The following TRIM32 variants were observed in gnomAD, a reference collection of about 807,000 sequenced individuals.
The protein encoded by TRIM32 is E3 ubiquitin-protein ligase TRIM32.
Under a neutral mutation model 36.0 loss-of-function variants are expected in TRIM32, and 19 were observed. That is an observed-to-expected ratio of 0.53 (90% CI 0.37 to 0.77). The LOEUF is 0.77. Ranked by LOEUF, TRIM32 falls within the 30% of genes least tolerant of loss-of-function variation. TRIM32 has a pLI of 0.00. For synonymous variants in TRIM32, 309 were observed against 318.5 expected, an observed-to-expected ratio of 0.97 and a Z score of 0.32; for missense variants, 747 against 845.2, an observed-to-expected ratio of 0.88 and a Z score of 1.44.
intron 1 of TRIM32, among the ~76,000 whole-genome samples, chr9:116,690,069 T>C (rs533925126): frequency 1.6e-4 from 25 of 152,262 alleles, no homozygotes; most frequent in Middle Eastern, 6.8e-3. Context: ...ACAGCAAGAC[T>C]TAGCTGGAAT....
chr9:116,691,188 C>T (rs979749169), intron 1 of TRIM32, among the ~76,000 whole-genome samples: 1 of 152,188 alleles, frequency 6.6e-6, no homozygotes, highest in African/African-American at 2.4e-5. Flanking sequence ...CCAAAATTCT[C>T]ATCCCATTTT....
In TRIM32 at chr9:116,700,071, C is replaced by T; in HGVS notation, c.*367C>T. 3.1e-6 allele frequency: 1 copy of T among 319,148 alleles called. No homozygotes were observed. The highest frequency in any genetic ancestry group is 6.2e-6 in the Non-Finnish European group (1 of 161,762). The allele number at this position is 319,148 out of a possible 1,614,324, so 19.8% of individuals were successfully genotyped here. On this transcript the variant is annotated 3_prime_UTR_variant, in exon 2 of 2. Transcript: ENST00000450136. ...GATTTTTTCCCATTTGGCTTTGATGCCCTTGATCCATTGTTTCCTTCCTAC... is the reference window on the plus strand; with the variant it reads ...GATTTTTTCCCATTTGGCTTTGATGTCCTTGATCCATTGTTTCCTTCCTAC...
In TRIM32 at chr9:116,698,197, AGTTAACTC is replaced by A. The variant is rs749696299; in HGVS notation, c.458_465del (p.Leu153SerfsTer27). ...GAGCGGCGTCGGGACTTTGGAGAGAAGTTAACTCGTCTGCGGGAACTTATGGGGGAGCT... is the reference window on the plus strand; with the variant it reads ...GAGCGGCGTCGGGACTTTGGAGAGAAGTCTGCGGGAACTTATGGGGGAGCT... On this transcript the variant is annotated frameshift_variant, in exon 2 of 2. Coordinates refer to ENST00000450136, the MANE Select transcript of TRIM32 (RefSeq NM_012210.4). LOFTEE classifies it high-confidence loss of function. The surrounding 1 kb of genome is among the most constrained non-coding windows in gnomAD (Gnocchi z 4.4). The A allele has an allele frequency of 5.0e-6, 8 of 1,614,184 alleles. No homozygotes were observed. In the Admixed American group the frequency reaches 1.3e-4, roughly 27 times the overall value.
intron 1 of TRIM32, among the ~76,000 whole-genome samples, chr9:116,693,811 G>A (rs1860696757): frequency 6.6e-6 from 1 of 152,188 alleles, no homozygotes; most frequent in African/African-American, 2.4e-5. Flanking sequence ...GTCTTTTGGG[G>A]AAACTGAAGT....
Position 116,698,475 on chromosome 9 carries a change from A to G in TRIM32, c.733A>G (p.Lys245Glu). Residue 245 changes from lysine to glutamate, a missense_variant, in exon 2 of 2, where the codon AAG (lysine) becomes GAG (glutamate). Coordinates refer to ENST00000450136, the MANE Select transcript of TRIM32 (RefSeq NM_012210.4). This position sits in a 1 kb window ranked among gnomAD's most constrained non-coding sequence, Gnocchi z 4.4. ...GTCTCGCTGTGACTACTTCCTGGCC[A>G]AGATCAAGCAGGCAGATGTAGCACT... ...AVSRCDYFLAKIKQADVALLE... is the reference protein window; with the variant it reads ...AVSRCDYFLAEIKQADVALLE... The G allele has an allele frequency of 6.2e-7, 1 of 1,613,928 alleles. No homozygotes were observed. Among genetic ancestry groups the G allele is most frequent in the Non-Finnish European group, 8.5e-7 (1 of 1,179,998 alleles).
chr9:116,693,063 T>G (rs1434215711), intron 1 of TRIM32, among the ~76,000 whole-genome samples: 1 of 152,196 alleles, frequency 6.6e-6, no homozygotes, highest in Non-Finnish European at 1.5e-5. Flanking sequence ...AAGGAAAGGT[T>G]GTTCATGCTT....
rs760918075 is a variant in TRIM32, at chr9:116,698,465, C to T, written c.723C>T (p.Tyr241=). ...TGCAGGCTGTGTCTCGCTGTGACTA[C>T]TTCCTGGCCAAGATCAAGCAGGCAG... is the stretch of plus-strand genomic sequence containing the variant. ...AEVQAVSRCD[Y]FLAKIKQADV... is the part of the protein sequence containing the mutation. Residue 241 remains tyrosine, a synonymous_variant, in exon 2 of 2, where the codon TAC becomes TAT. Coordinates refer to ENST00000450136, the MANE Select transcript of TRIM32 (RefSeq NM_012210.4). The surrounding 1 kb of genome is among the most constrained non-coding windows in gnomAD (Gnocchi z 4.4). The T allele has an allele frequency of 6.2e-7, 1 of 1,613,996 alleles. No individual in the cohort carries two copies. The highest frequency in any genetic ancestry group is 8.5e-7 in the Non-Finnish European group (1 of 1,180,020).
intron 1 of TRIM32, among the ~76,000 whole-genome samples, chr9:116,695,424 C>A (rs1860793807): frequency 6.6e-6 from 1 of 152,150 alleles, no homozygotes; most frequent in Non-Finnish European, 1.5e-5. Context: ...TTGTGCATGT[C>A]TGCTGCTATA....
At position 116,699,505 on chromosome 9, in the gene TRIM32, A is replaced by G. The variant is rs746890090; in HGVS notation, c.1763A>G (p.Asp588Gly). The G allele has an allele frequency of 2.5e-6, 4 of 1,613,306 alleles. No homozygotes were observed. Among genetic ancestry groups the G allele is most frequent in the African/African-American group, 1.3e-5 (1 of 74,634 alleles). The part of the protein sequence containing the change: ...IAGMCVDARG[D>G]LIVADSSRKE... ...GGCATGTGTGTGGATGCTCGTGGTGATCTCATCGTGGCTGACAGTAGTCGC... is the reference window on the plus strand; with the variant it reads ...GGCATGTGTGTGGATGCTCGTGGTGGTCTCATCGTGGCTGACAGTAGTCGC... Residue 588 changes from aspartate (D) to glycine (G), a missense_variant, in exon 2 of 2, where the codon GAT becomes GGT. Physicochemically the swap from Asp to Gly is moderately conservative, Grantham distance 94 (BLOSUM62 -1). Transcript: ENST00000450136. The surrounding 1 kb of genome is among the most constrained non-coding windows in gnomAD (Gnocchi z 4.2).
At chr9:116,688,580 A>G (rs990333495) in intron 1 of TRIM32, among the ~76,000 whole-genome samples, 5 of 152,194 alleles carry the variant, frequency 3.3e-5, no homozygotes, top group Non-Finnish European at 7.3e-5. Context: ...TATTAAACAA[A>G]GATCCGTTAT....
chr9:116,699,953 T>C lies in TRIM32; in HGVS notation c.*249T>C. On this transcript the variant is annotated 3_prime_UTR_variant, in exon 2 of 2. Transcript: ENST00000450136. This position sits in a 1 kb window ranked among gnomAD's most constrained non-coding sequence, Gnocchi z 4.2. ...ACACACGATGGTGTTAGCTGAAGTT[T>C]GATTAGCAATTAGGCACTTCCAAGG... is the stretch of plus-strand genomic sequence containing the variant. 1 of 596,772 alleles carries C rather than the reference T, an allele frequency of 1.7e-6. No individual in the cohort carries two copies. The highest frequency in any genetic ancestry group is 3.1e-5 in the Admixed American group (1 of 32,016). 37.0% of individuals were successfully genotyped at this position (596,772 alleles called of 1,614,324 possible). A position where few individuals can be genotyped will look rare whatever the true frequency, so the allele number is the denominator to read the frequency against.
At chr9:116,692,617 G>A (rs555725454) in intron 1 of TRIM32, among the ~76,000 whole-genome samples, 58 of 152,238 alleles carry the variant, frequency 3.8e-4, no homozygotes, top group African/African-American at 1.4e-3. Flanking sequence ...TTCAAATCCA[G>A]GAAAGCCTGA....
rs145728860 is a variant in TRIM32 at position 116,699,272 on chromosome 9, A to G, written c.1530A>G (p.Leu510=). ...RGSGVVKYSC[L]CSAVRPKFVT... ...CAGGGGTGGTCAAATACAGCTGCCT[A>G]TGTAGTGCTGTGCGGCCCAAATTTG... is the stretch of plus-strand genomic sequence containing the variant. The change falls in exon 2 of 2, where the codon CTA becomes CTG. Residue 510 remains leucine (L), a synonymous_variant. Coordinates refer to ENST00000450136, the MANE Select transcript of TRIM32 (RefSeq NM_012210.4). The surrounding 1 kb of genome is among the most constrained non-coding windows in gnomAD (Gnocchi z 4.2). 1.2e-5 allele frequency: 20 copies of G among 1,614,170 alleles called. No homozygotes were observed. Among genetic ancestry groups the G allele is most frequent in the Middle Eastern group, 1.6e-4 (1 of 6,062 alleles).
At position 116,699,563 on chromosome 9, in the gene TRIM32, C is replaced by G; in HGVS notation, c.1821C>G (p.Gly607=). The stretch of plus-strand genomic sequence containing the variant: ...TTCTCCATTTTCCTAAGGGTGGGGG[C>G]TATAGTGTCCTTATTCGAGAGGGAC... ...KEILHFPKGG[G]YSVLIREGLT... is the part of the protein sequence containing the mutation. Residue 607 remains glycine (G), a synonymous_variant, in exon 2 of 2, where the codon GGC becomes GGG. Transcript: ENST00000450136. This position sits in a 1 kb window ranked among gnomAD's most constrained non-coding sequence, Gnocchi z 4.2. The G allele has an allele frequency of 6.2e-7, 1 of 1,614,180 alleles. No individual in the cohort carries two copies. Among genetic ancestry groups the G allele is most frequent in the Non-Finnish European group, 8.5e-7 (1 of 1,180,034 alleles).
chr9:116,699,270 C>CTA lies in TRIM32; in HGVS notation c.1530_1531dup (p.Cys511TyrfsTer24). 1 of 1,614,212 alleles carries CTA rather than the reference C, an allele frequency of 6.2e-7. No individual in the cohort carries two copies. The highest frequency in any genetic ancestry group is 1.1e-5 in the South Asian group (1 of 91,086). On this transcript the variant is annotated frameshift_variant, in exon 2 of 2. Coordinates refer to ENST00000450136, the MANE Select transcript of TRIM32 (RefSeq NM_012210.4). LOFTEE classifies it high-confidence loss of function. This position sits in a 1 kb window ranked among gnomAD's most constrained non-coding sequence, Gnocchi z 4.2. ...ATCAGGGGTGGTCAAATACAGCTGC[C>CTA]TATGTAGTGCTGTGCGGCCCAAATT...
Position 116,698,211 on chromosome 9 carries a change from C to G in TRIM32, c.469C>G (p.Arg157Gly). The G allele has an allele frequency of 6.2e-7, 1 of 1,614,080 alleles. No individual in the cohort carries two copies. Among genetic ancestry groups the G allele is most frequent in the Non-Finnish European group, 8.5e-7 (1 of 1,180,034 alleles). The part of the protein sequence containing the change: ...RDFGEKLTRL[R>G]ELMGELQRRK... ...CTTTGGAGAGAAGTTAACTCGTCTG[C>G]GGGAACTTATGGGGGAGCTGCAGCG... Residue 157 changes from arginine (R) to glycine (G), a missense_variant, in exon 2 of 2, where the codon CGG becomes GGG. Coordinates refer to ENST00000450136, the MANE Select transcript of TRIM32 (RefSeq NM_012210.4). The surrounding 1 kb of genome is among the most constrained non-coding windows in gnomAD (Gnocchi z 4.4).
intron 1 of TRIM32, among the ~76,000 whole-genome samples, 199 bp downstream of exon 1, chr9:116,687,580 T>TGAGGAGATCC (rs1251082742): frequency 3.4e-4 from 27 of 79,604 alleles, no homozygotes; most frequent in Non-Finnish European, 5.8e-4. Flanking sequence ...TTCGTGGGGC[T>TGAGGAGATCC]GAGGAGATCC....
chr9:116,698,112 C>A lies in TRIM32; in HGVS notation c.370C>A (p.Arg124=), dbSNP rs572052810. Reference sequence around the variant, plus strand: ...TGGTTTGGTGTTATGTGAGCCCTGCCGGGAGGCAGACCATCAGCCTCCTGG... The same window carrying A: ...TGGTTTGGTGTTATGTGAGCCCTGCAGGGAGGCAGACCATCAGCCTCCTGG... The part of the protein sequence containing the change: ...SCGLVLCEPC[R]EADHQPPGHC... Residue 124 remains arginine (R), a synonymous_variant, in exon 2 of 2, where the codon CGG becomes AGG. Coordinates refer to ENST00000450136, the MANE Select transcript of TRIM32 (RefSeq NM_012210.4). This position sits in a 1 kb window ranked among gnomAD's most constrained non-coding sequence, Gnocchi z 4.4. The A allele has an allele frequency of 6.2e-7, 1 of 1,614,044 alleles. No homozygotes were observed. The highest frequency in any genetic ancestry group is 1.1e-5 in the South Asian group (1 of 91,082).
At chr9:116,696,679 T>C (rs992281517) in intron 1 of TRIM32, among the ~76,000 whole-genome samples, 1 of 152,194 alleles carries the variant, frequency 6.6e-6, no homozygotes, top group African/African-American at 2.4e-5. Flanking sequence ...CTGCCTTCAT[T>C]ATTATTTACC....
Sources: allele counts gnomAD v4.1 joint callset (sites outside exome capture counted in the v4.1 genomes callset), GRCh38; gene constraint gnomAD v4.1.1; non-coding constraint Gnocchi (gnomAD v3.1); transcripts MANE v1.5; gene names NCBI Gene and HGNC (gene_info 2026-07-23, HGNC 2026-07-21).